Variants in CNTNAP5 observed in about 807,000 individuals in gnomAD.
CNTNAP5 encodes contactin associated protein family member 5, also known as contactin-associated protein-like 5.
Under a neutral mutation model 150.2 loss-of-function variants are expected in CNTNAP5, and 72 were observed. That is an observed-to-expected ratio of 0.48 (90% CI 0.40 to 0.58). The LOEUF (loss-of-function observed/expected upper bound fraction) is 0.58. Ranked by LOEUF, CNTNAP5 falls within the 20% of genes least tolerant of loss-of-function variation. CNTNAP5 has a pLI of 0.00. For missense variants in CNTNAP5, 1,636 were observed against 1,626.2 expected (o/e 1.01, Z -0.10); for synonymous variants, 672 against 619.8 (o/e 1.08, Z -1.25).
intron 1 of CNTNAP5, among the ~76,000 whole-genome samples, chr2:124,135,394 C>T (rs1683952666): frequency 6.6e-6 from 1 of 152,160 alleles, no homozygotes; most frequent in Admixed American, 6.5e-5. Flanking sequence ...TTCTTTGGAC[C>T]TCAGTCATTC....
rs1678066305 is a variant in CNTNAP5, at chr2:124,885,684, A to G, written c.3436+15922A>G. 2.6e-5 allele frequency among the ~76,000 whole-genome samples: 4 copies of G among 151,620 alleles called. 1 individual carries two copies. The South Asian group carries it at 8.3e-4, about 32-fold the overall frequency. ...GCTTTCTGTCTGTATTGATTTACCT[A>G]TTTGAGATATTTCCTATAAATGGAA... On this transcript the variant is annotated intron_variant, in intron 21 of 23. Transcript: ENST00000682447.
At chr2:124,744,554 T>C (rs1210784373) in intron 13 of CNTNAP5, among the ~76,000 whole-genome samples, 1 of 152,228 alleles carries the variant, frequency 6.6e-6, no homozygotes, top group Non-Finnish European at 1.5e-5. Flanking sequence ...TATTTTGGTA[T>C]GTTTTCTTAC....
At chr2:124,306,725 T>C (rs1160501951) in intron 3 of CNTNAP5, among the ~76,000 whole-genome samples, 14 of 141,814 alleles carry the variant, frequency 9.9e-5, no homozygotes, top group African/African-American at 3.3e-4. Context: ...CTTTCTTTTT[T>C]TTTTTTTTTT....
intron 4 of CNTNAP5, among the ~76,000 whole-genome samples, chr2:124,429,738 T>G (rs1692324528): frequency 6.6e-6 from 1 of 152,256 alleles, no homozygotes; most frequent in Non-Finnish European, 1.5e-5. Flanking sequence ...CATGTGTGAG[T>G]CACACAGGGA....
chr2:124,484,529 C>T (rs1368488990), intron 7 of CNTNAP5, among the ~76,000 whole-genome samples: 1 of 152,158 alleles, frequency 6.6e-6, no homozygotes, highest in Non-Finnish European at 1.5e-5. Context: ...ATAATGCCTA[C>T]TTTACATATA....
chr2:124,142,103 T>A lies in CNTNAP5; in HGVS notation c.83-79602T>A, dbSNP rs568227295. Among the ~76,000 whole-genome samples, 565 of 145,192 alleles carry A rather than the reference T, an allele frequency of 3.9e-3. 1 individual carries two copies. Among genetic ancestry groups the A allele is most frequent in the African/African-American group, 0.014 (525 of 38,396 alleles). On this transcript the variant is annotated intron_variant, in intron 1 of 23. Coordinates refer to ENST00000682447, the MANE Select transcript of CNTNAP5 (RefSeq NM_001367498.1). ...AAGAGGCGCTAACTATCCTAAATATTTATGCACCCAATACAGGAGCACCCA... is the reference window on the plus strand; with the variant it reads ...AAGAGGCGCTAACTATCCTAAATATATATGCACCCAATACAGGAGCACCCA...
chr2:124,052,830 G>A (rs919258978), intron 1 of CNTNAP5, among the ~76,000 whole-genome samples: 9 of 152,140 alleles, frequency 5.9e-5, no homozygotes, highest in Non-Finnish European at 1.0e-4. Context: ...CAATTATTCT[G>A]AACTCTTGGC....
chr2:124,341,623 T>C (rs1044666400), intron 3 of CNTNAP5, among the ~76,000 whole-genome samples: 3 of 152,178 alleles, frequency 2.0e-5, no homozygotes, highest in African/African-American at 7.2e-5. Flanking sequence ...AACGAGTCTT[T>C]AATATGTGGC....
At chr2:124,419,960 T>TTCTCTCTC (rs1553466666) in intron 4 of CNTNAP5, among the ~76,000 whole-genome samples, 2 of 16,964 alleles carry the variant, frequency 1.2e-4, no homozygotes, top group East Asian at 3.4e-3. Context: ...TTCTTTCCTT[T>TTCTCTCTC]TCTCTCTCTC....
intron 12 of CNTNAP5, among the ~76,000 whole-genome samples, chr2:124,615,107 A>G (rs2104989842): frequency 6.6e-6 from 1 of 152,328 alleles, no homozygotes; most frequent in South Asian, 2.1e-4. Flanking sequence ...TGGTGGAGGA[A>G]AAAGATGTTA....
chr2:124,064,014 A>G (rs1425214207), intron 1 of CNTNAP5, among the ~76,000 whole-genome samples: 1 of 152,174 alleles, frequency 6.6e-6, no homozygotes, highest in Non-Finnish European at 1.5e-5. Context: ...GCAGACAACT[A>G]TGTTATGAAC....
chr2:124,162,295 A>T (rs1299964325), intron 1 of CNTNAP5, among the ~76,000 whole-genome samples: 1 of 152,190 alleles, frequency 6.6e-6, no homozygotes, highest in Admixed American at 6.5e-5. Context: ...TTAATTTATG[A>T]CAGAGATTGT....
intron 8 of CNTNAP5, among the ~76,000 whole-genome samples, chr2:124,513,585 T>C (rs2104874659): frequency 6.6e-6 from 1 of 152,318 alleles, no homozygotes; most frequent in Non-Finnish European, 1.5e-5. Context: ...CACGCATGAA[T>C]ACACTAGTGG....
In CNTNAP5 at chr2:124,433,478, A is replaced by C. The variant is rs534353538; in HGVS notation, c.530-1006A>C. Among the ~76,000 whole-genome samples, 38 of 152,310 alleles carry C rather than the reference A, an allele frequency of 2.5e-4. 1 individual carries two copies. The South Asian group carries it at 5.2e-3, about 21-fold the overall frequency. The stretch of plus-strand genomic sequence containing the variant: ...CTTGGAAAAAAAATTATCATTGTGT[A>C]TGCTCAGGCTGAGGATTTTAATTAC... On this transcript the variant is annotated intron_variant, in intron 4 of 23. Transcript: ENST00000682447.
chr2:124,607,100 T>C (rs1257900978), intron 11 of CNTNAP5, among the ~76,000 whole-genome samples: 3 of 152,110 alleles, frequency 2.0e-5, no homozygotes, highest in Non-Finnish European at 4.4e-5. Context: ...AATGAGACAA[T>C]TTATACTTCG....
intron 13 of CNTNAP5, among the ~76,000 whole-genome samples, chr2:124,656,765 C>T (rs1189947066): frequency 1.3e-5 from 2 of 152,086 alleles, no homozygotes; most frequent in African/African-American, 4.8e-5. Flanking sequence ...GCATTTTTCC[C>T]ATCACTTTAT....
intron 19 of CNTNAP5, among the ~76,000 whole-genome samples, chr2:124,840,722 G>A (rs1430937123): frequency 6.6e-6 from 1 of 152,058 alleles, no homozygotes; most frequent in Non-Finnish European, 1.5e-5. Context: ...AGTTATTCAT[G>A]AGCTAGTTAC....
intron 1 of CNTNAP5, among the ~76,000 whole-genome samples, chr2:124,194,217 T>C (rs2104699059): frequency 6.6e-6 from 1 of 151,912 alleles, no homozygotes; most frequent in African/African-American, 2.4e-5. Flanking sequence ...ACACTTGGTA[T>C]ACCAGCATCC....
intron 13 of CNTNAP5, among the ~76,000 whole-genome samples, chr2:124,712,626 G>A (rs757216613): frequency 2.0e-5 from 3 of 152,190 alleles, no homozygotes; most frequent in Admixed American, 6.5e-5. Flanking sequence ...TAGAGGCTGG[G>A]AAGTCCAAGA....
Sources: allele counts gnomAD v4.1 joint callset (sites outside exome capture counted in the v4.1 genomes callset), GRCh38; gene constraint gnomAD v4.1.1; transcripts MANE v1.5; gene names NCBI Gene and HGNC (gene_info 2026-07-23, HGNC 2026-07-21).